FHIT: variants seen among roughly 807,000 people sequenced by gnomAD.
The protein encoded by FHIT is fragile histidine triad diadenosine triphosphatase, also known as bis(5'-adenosyl)-triphosphatase.
In FHIT, 19 loss-of-function variants were observed where a neutral mutation model predicts 17.9. The ratio of observed to expected loss-of-function variants is 1.06; its 90% confidence interval spans 0.74 to 1.56. The LOEUF (loss-of-function observed/expected upper bound fraction) is 1.56, where lower values mean the gene tolerates loss of function less well. FHIT is among the 40% of genes most tolerant of loss of function. The probability of loss-of-function intolerance (pLI) is 0.00; values close to 1 mark genes in which losing one functional copy is unlikely to be tolerated. For missense variants in FHIT, 248 were observed against 189.2 expected (o/e 1.31, Z -1.82); for synonymous variants, 81 against 69.7 (o/e 1.16, Z -0.81).
intron 3 of FHIT, among the ~76,000 whole-genome samples, chr3:60,893,644 G>A (rs1453094772): frequency 2.6e-5 from 4 of 152,172 alleles, no homozygotes; most frequent in African/African-American, 9.7e-5. Context: ...TTGACAGCTA[G>A]AATAACTTCT....
At chr3:60,338,476 G>C (rs904991235) in intron 5 of FHIT, among the ~76,000 whole-genome samples, 7 of 152,160 alleles carry the variant, frequency 4.6e-5, no homozygotes, top group Admixed American at 3.3e-4. Flanking sequence ...TTATAGGCAT[G>C]CGCCACCATG....
intron 3 of FHIT, among the ~76,000 whole-genome samples, chr3:60,913,487 A>C (rs1191116100): frequency 6.6e-6 from 1 of 152,232 alleles, no homozygotes; most frequent in African/African-American, 2.4e-5. Flanking sequence ...TAAGATCTCC[A>C]GATGATTTGT....
intron 5 of FHIT, among the ~76,000 whole-genome samples, chr3:60,514,416 G>C (rs539772182): frequency 1.1e-4 from 16 of 152,310 alleles, no homozygotes; most frequent in African/African-American, 3.8e-4. Flanking sequence ...GGCCAGCAGT[G>C]GGCTGAGTAA....
chr3:60,798,909 C>A lies in FHIT; in HGVS notation c.-18+23010G>T, dbSNP rs1026979043. Reference sequence around the variant, plus strand: ...AGTAGCTGGGATCACAGGTGTGCACCACCACGCCCTGCTAGTTTTTGTATT... The same window carrying A: ...AGTAGCTGGGATCACAGGTGTGCACAACCACGCCCTGCTAGTTTTTGTATT... On this transcript the variant is annotated intron_variant, in intron 4 of 9. Coordinates refer to ENST00000492590, the MANE Select transcript of FHIT (RefSeq NM_002012.4). Among the ~76,000 whole-genome samples the A allele has an allele frequency of 5.3e-5, 8 of 151,636 alleles. 1 individual carries two copies. Among genetic ancestry groups the A allele is most frequent in the African/African-American group, 1.9e-4 (8 of 41,310 alleles).
chr3:60,051,419 A>T, intron 5 of FHIT, among the ~76,000 whole-genome samples: 1 of 150,514 alleles, frequency 6.6e-6, no homozygotes, highest in East Asian at 2.0e-4. Context: ...GAACACCTAG[A>T]CATAACTTAA....
intron 7 of FHIT, among the ~76,000 whole-genome samples, chr3:59,930,185 A>G (rs564656875): frequency 6.6e-6 from 1 of 152,148 alleles, no homozygotes; most frequent in Non-Finnish European, 1.5e-5. Flanking sequence ...AGACATCAAT[A>G]CTCCAGCACT....
intron 4 of FHIT, among the ~76,000 whole-genome samples, chr3:60,767,841 A>G (rs1553721922): frequency 6.6e-6 from 1 of 152,158 alleles, no homozygotes; most frequent in African/African-American, 2.4e-5. Context: ...GAGCTGCCCA[A>G]CCTGAATTGG....
chr3:60,363,916 G>A (rs1290385300), intron 5 of FHIT, among the ~76,000 whole-genome samples: 3 of 152,102 alleles, frequency 2.0e-5, no homozygotes, highest in African/African-American at 4.8e-5. Flanking sequence ...TCTAAAGGCA[G>A]GCTCTTCTCC....
rs562487283 is a variant in FHIT at position 60,834,532 on chromosome 3, C to T, written c.-110-12521G>A. 2.5e-4 allele frequency among the ~76,000 whole-genome samples: 38 copies of T among 151,598 alleles called. 1 individual carries two copies. In the South Asian group the frequency reaches 6.5e-3, roughly 26 times the overall value. On this transcript the variant is annotated intron_variant, in intron 3 of 9. Transcript: ENST00000492590. ...CAGATATGTAGTTTGCAAATATTTTCTTCCAGCCTGTAGTTATTCTTTTCA... is the reference window on the plus strand; with the variant it reads ...CAGATATGTAGTTTGCAAATATTTTTTTCCAGCCTGTAGTTATTCTTTTCA...
chr3:60,962,063 G>A (rs371205671), intron 3 of FHIT, among the ~76,000 whole-genome samples: 45 of 152,212 alleles, frequency 3.0e-4, no homozygotes, highest in African/African-American at 7.2e-4. Flanking sequence ...ACCCATGAGC[G>A]TGGAATGTTC....
chr3:60,195,991 A>G (rs1310522282), intron 5 of FHIT, among the ~76,000 whole-genome samples: 1 of 152,162 alleles, frequency 6.6e-6, no homozygotes, highest in African/African-American at 2.4e-5. Flanking sequence ...AATTCATCAC[A>G]TAACCAAAAC....
intron 4 of FHIT, among the ~76,000 whole-genome samples, chr3:60,610,232 T>C (rs1576966375): frequency 1.3e-5 from 2 of 152,200 alleles, no homozygotes; most frequent in East Asian, 1.9e-4. Flanking sequence ...GGGTAAGTTA[T>C]GTGATAAGTT....
At chr3:60,831,617 C>T (rs1481602511) in intron 3 of FHIT, among the ~76,000 whole-genome samples, 1 of 149,736 alleles carries the variant, frequency 6.7e-6, no homozygotes, top group Non-Finnish European at 1.5e-5. Flanking sequence ...ACAATAAAAC[C>T]ATAATCATAA....
chr3:60,840,773 T>C (rs2106861532), intron 3 of FHIT, among the ~76,000 whole-genome samples: 1 of 152,366 alleles, frequency 6.6e-6, no homozygotes, highest in East Asian at 1.9e-4. Flanking sequence ...ACTGACGTTT[T>C]CTGTTAAAAA....
intron 5 of FHIT, among the ~76,000 whole-genome samples, chr3:60,462,368 G>A (rs971907980): frequency 1.3e-5 from 2 of 152,150 alleles, no homozygotes; most frequent in African/African-American, 4.8e-5. Context: ...GAAGCCAACG[G>A]TATGGCTTGA....
intron 5 of FHIT, among the ~76,000 whole-genome samples, chr3:60,456,245 AAGAAC>A (rs2032084219): frequency 6.6e-6 from 1 of 152,214 alleles, no homozygotes; most frequent in African/African-American, 2.4e-5. Flanking sequence ...ATGACTCAGA[AAGAAC>A]AGAAGGGTTG....
At chr3:59,831,247 T>G (rs1015539244) in intron 8 of FHIT, among the ~76,000 whole-genome samples, 1 of 152,280 alleles carries the variant, frequency 6.6e-6, no homozygotes, top group Admixed American at 6.5e-5. Flanking sequence ...GATATAATTA[T>G]CATCAACATT....
intron 4 of FHIT, among the ~76,000 whole-genome samples, chr3:60,645,410 T>C (rs1216149788): frequency 6.6e-6 from 1 of 152,114 alleles, no homozygotes; most frequent in Non-Finnish European, 1.5e-5. Context: ...AAGCCTCTGG[T>C]TTTCCAACTG....
chr3:60,664,190 T>C (rs116795709), intron 4 of FHIT, among the ~76,000 whole-genome samples: 1,805 of 152,260 alleles, frequency 0.012, 42 homozygotes, highest in African/African-American at 0.041. Context: ...TATATGATGA[T>C]ATTATTTACT....
Sources: gnomAD v4.1 joint callset for allele counts (sites outside exome capture counted in the v4.1 genomes callset) on GRCh38, gnomAD v4.1.1 for gene constraint, MANE v1.5 for transcripts, NCBI Gene and HGNC (gene_info 2026-07-23, HGNC 2026-07-21) for gene names.